Variants in SLC35H1 observed in about 807,000 individuals in gnomAD.
The protein encoded by SLC35H1 is solute carrier family 35 member H1.
chr20:46,356,219 G>A, the SLC35H1 span, among the ~76,000 whole-genome samples: 1 of 152,204 alleles, frequency 6.6e-6, no homozygotes, highest in Non-Finnish European at 1.5e-5. Flanking sequence ...AAACTCTTGT[G>A]TAGCCCCCAG....
chr20:46,348,975 T>G, the SLC35H1 span: 113 of 152,298 alleles, frequency 7.4e-4, 1 homozygote, highest in African/African-American at 2.6e-3. Context: ...GTATTAAAGT[T>G]CTCCTGGGCT....
At chr20:46,351,389 C>G in the SLC35H1 span, among the ~76,000 whole-genome samples, 21 of 152,348 alleles carry the variant, frequency 1.4e-4, no homozygotes, top group African/African-American at 5.1e-4. Flanking sequence ...CCAGAAGACC[C>G]TTGGACAGGC....
chr20:46,352,449 G>T, the SLC35H1 span: 1 of 552,216 alleles, frequency 1.8e-6, no homozygotes, highest in Non-Finnish European at 3.2e-6. Flanking sequence ...AGAGCGCCTG[G>T]GGGCAATACA....
chr20:46,352,696 A>C, the SLC35H1 span: 1 of 155,066 alleles, frequency 6.4e-6, no homozygotes, highest in African/African-American at 2.6e-5. Flanking sequence ...TGGGGATCCT[A>C]GTGGGATGAT....
chr20:46,350,456 TGCTCCGGAGCAGCA>T, the SLC35H1 span: 1 of 1,613,512 alleles, frequency 6.2e-7, no homozygotes, highest in East Asian at 2.2e-5. Context: ...TCCCGCTGGC[TGCTCCGGAGCAGCA>T]GCTCCAGGTC....
the SLC35H1 span, chr20:46,348,391 C>G: frequency 6.6e-6 from 1 of 152,248 alleles, no homozygotes. Context: ...CTCTGGCAGA[C>G]TCCCCCTGCC....
chr20:46,356,891 C>G, the SLC35H1 span, among the ~76,000 whole-genome samples: 1 of 152,220 alleles, frequency 6.6e-6, no homozygotes. Flanking sequence ...AACACTCCGG[C>G]GAGCCCCCTG....
At chr20:46,362,843 C>T in the SLC35H1 span, among the ~76,000 whole-genome samples, 126,021 of 152,214 alleles carry the variant, frequency 0.83, 54,118 homozygotes, top group Non-Finnish European at 0.93. Flanking sequence ...CTCGGCTCAC[C>T]GCAAACTCCG....
the SLC35H1 span, chr20:46,346,022 C>T: frequency 6.6e-6 from 1 of 152,192 alleles, no homozygotes; most frequent in Admixed American, 6.5e-5. Flanking sequence ...TTCGATATCT[C>T]CAGCAGCGAT....
chr20:46,355,517 A>C, the SLC35H1 span: 368 of 623,406 alleles, frequency 5.9e-4, no homozygotes, highest in African/African-American at 6.0e-3. The surrounding 1 kb of genome is among the most constrained non-coding windows in gnomAD (Gnocchi z 4.8). Context: ...CCCTGGGCCT[A>C]ACACACAGGG....
chr20:46,352,465 G>A, the SLC35H1 span: 2 of 515,228 alleles, frequency 3.9e-6, no homozygotes, highest in Non-Finnish European at 3.5e-6. Context: ...ATACAAGCCA[G>A]ATCCTAGCAG....
the SLC35H1 span, chr20:46,350,582 T>C: frequency 3.2e-6 from 5 of 1,540,718 alleles, no homozygotes; most frequent in African/African-American, 5.5e-5. Flanking sequence ...TGGTTTGCTC[T>C]GATTTGCATG....
chr20:46,358,508 C>G, the SLC35H1 span: 4 of 1,614,074 alleles, frequency 2.5e-6, no homozygotes, highest in African/African-American at 5.3e-5. Flanking sequence ...CCTCCCCATT[C>G]GTGGCGGCTG....
At chr20:46,352,090 T>C in the SLC35H1 span, 1 of 1,614,164 alleles carries the variant, frequency 6.2e-7, no homozygotes, top group Non-Finnish European at 8.5e-7. Context: ...GGCTGGAGGT[T>C]CTGGAGACCA....
the SLC35H1 span, chr20:46,355,156 C>A: frequency 1.2e-6 from 2 of 1,613,988 alleles, no homozygotes; most frequent in African/African-American, 2.7e-5. The surrounding 1 kb of genome is among the most constrained non-coding windows in gnomAD (Gnocchi z 4.8). Flanking sequence ...CAAGGCGAAG[C>A]CCTCCACGTT....
At chr20:46,354,425 T>C in the SLC35H1 span, among the ~76,000 whole-genome samples, 14 of 152,138 alleles carry the variant, frequency 9.2e-5, no homozygotes, top group Admixed American at 9.2e-4. Context: ...GATTCCCCAT[T>C]CCTTAGAGGC....
the SLC35H1 span, chr20:46,350,938 C>T: frequency 1.2e-6 from 2 of 1,608,438 alleles, no homozygotes; most frequent in Admixed American, 1.7e-5. Flanking sequence ...GCAGATTTGG[C>T]TGCTTGACCA....
At chr20:46,361,605 C>T in the SLC35H1 span, among the ~76,000 whole-genome samples, 3 of 152,308 alleles carry the variant, frequency 2.0e-5, 1 homozygote, top group Middle Eastern at 6.8e-3. Flanking sequence ...TGTGAGAAGA[C>T]CCATCCTCTA....
At chr20:46,360,979 ACTC>A in the SLC35H1 span, among the ~76,000 whole-genome samples, 4 of 152,152 alleles carry the variant, frequency 2.6e-5, no homozygotes, top group African/African-American at 9.7e-5. Flanking sequence ...ATGAGTTGAG[ACTC>A]CTACCTGACC....
Sources: gnomAD v4.1 joint callset for allele counts (sites outside exome capture counted in the v4.1 genomes callset) on GRCh38, gnomAD v4.1.1 for gene constraint, Gnocchi (gnomAD v3.1) non-coding constraint, MANE v1.5 for transcripts, NCBI Gene and HGNC (gene_info 2026-07-23, HGNC 2026-07-21) for gene names.